TRAK1: variants seen among roughly 807,000 people sequenced by gnomAD.
The protein encoded by TRAK1 is trafficking kinesin-binding protein 1.
A neutral mutation model predicts 92.1 loss-of-function variants in TRAK1; 33 were observed. The observed-to-expected ratio is 0.36, with a 90% CI of 0.27 to 0.48. The LOEUF is 0.48. Ranked by LOEUF, TRAK1 falls within the 20% of genes least tolerant of loss-of-function variation. The pLI is 0.99. For synonymous variants in TRAK1, 521 were observed against 517.3 expected, an observed-to-expected ratio of 1.01 and a Z score of -0.10; for missense variants, 1,123 against 1,257.9, an observed-to-expected ratio of 0.89 and a Z score of 1.62.
intron 1 of TRAK1, among the ~76,000 whole-genome samples, chr3:42,069,838 A>C (rs553162105): frequency 1.3e-4 from 20 of 152,284 alleles, no homozygotes; most frequent in African/African-American, 4.6e-4. Context: ...TTCTTAGAAA[A>C]TAACTGAAGA....
intron 1 of TRAK1, among the ~76,000 whole-genome samples, chr3:42,036,053 G>T (rs918703392): frequency 1.3e-5 from 2 of 152,202 alleles, no homozygotes; most frequent in South Asian, 2.1e-4. Flanking sequence ...TTTTGACAGT[G>T]GCCTGGCACT....
chr3:42,047,829 C>G (rs763071275), intron 1 of TRAK1, among the ~76,000 whole-genome samples: 12 of 151,902 alleles, frequency 7.9e-5, no homozygotes, highest in Non-Finnish European at 1.8e-4. Flanking sequence ...GTGTGTGTTA[C>G]GTCTGCCTGA....
At chr3:42,086,784 G>T (rs1704699323), upstream of TRAK1, among the ~76,000 whole-genome samples, 1 of 152,120 alleles carries the variant, frequency 6.6e-6, no homozygotes, top group African/African-American at 2.4e-5. Flanking sequence ...CTCTCTTTGT[G>T]TGTATAAATC....
At chr3:42,192,477 GTATTTTGCATTTCGTCAAAGTAC>G (rs1553755658) in intron 7 of TRAK1, among the ~76,000 whole-genome samples, 9 of 151,632 alleles carry the variant, frequency 5.9e-5, no homozygotes, top group Admixed American at 1.3e-4. Context: ...AAAGTACTAA[GTATTTTGCATTTCGTCAAAGTAC>G]TATTTTGCAT....
Position 42,194,934 on chromosome 3 carries a change from T to A in TRAK1, c.1106T>A (p.Phe369Tyr). ...CGGCGCTACCACTCACTGGGCCTGT[T>A]TCCCATGGTGAGCTGTGCTTTCTTC... Reference protein sequence around the residue: ...TSRRYHSLGLFPMDSLAAEIE... With the variant: ...TSRRYHSLGLYPMDSLAAEIE... Residue 369 changes from phenylalanine to tyrosine, a missense_variant, in exon 10 of 16, where the codon TTT becomes TAT. Phe to Tyr is a conservative substitution (Grantham distance 22). This residue lies in a region of TRAK1 where 686 missense variants were observed against 747.6 expected (regional missense o/e 0.92). Transcript: ENST00000327628. 6.2e-7 allele frequency: 1 copy of A among 1,613,764 alleles called. No homozygotes were observed. The highest frequency in any genetic ancestry group is 8.5e-7 in the Non-Finnish European group (1 of 1,179,842).
At position 42,123,194 on chromosome 3, in the gene TRAK1, C is replaced by A. The variant is rs56124276; in HGVS notation, c.92-2226C>A. 1.9e-3 allele frequency among the ~76,000 whole-genome samples: 283 copies of A among 152,284 alleles called. 2 individuals are homozygous for A. Among genetic ancestry groups the A allele is most frequent in the African/African-American group, 6.2e-3 (259 of 41,548 alleles). On this transcript the variant is annotated intron_variant, in intron 1 of 15. Transcript: ENST00000327628. ...CATAACTCTACGTTCTCTTTTCTCA[C>A]GAATCCGTATTTTTTTCACCTGTTG...
intron 14 of TRAK1, chr3:42,210,672 T>G: frequency 1.0e-6 from 1 of 994,498 alleles, no homozygotes; most frequent in Non-Finnish European, 1.2e-6. Context: ...CTTTCCCAGC[T>G]TCAATGGAGG....
intron 10 of TRAK1, 84 bp from the exon 11 acceptor site, chr3:42,199,093 G>C: frequency 6.9e-7 from 1 of 1,457,418 alleles, no homozygotes; most frequent in Non-Finnish European, 9.6e-7. Context: ...TACTCTCCAT[G>C]GCCCACCTGG....
chr3:42,200,944 C>T lies in TRAK1; in HGVS notation c.1317C>T (p.Ser439=). The change falls in exon 12 of 16, where the codon TCC becomes TCT. Residue 439 remains serine, a synonymous_variant. Transcript: ENST00000327628. ...CCTCGGCCATGAACTCCCTCCTGTC[C>T]AGCTGCGTCAGCACCCCCCGGTCCA... ...NQSSAMNSLL[S]SCVSTPRSSF... 1 of 1,614,178 alleles carries T rather than the reference C, an allele frequency of 6.2e-7. No homozygotes were observed. The highest frequency in any genetic ancestry group is 8.5e-7 in the Non-Finnish European group (1 of 1,180,046).
chr3:42,118,260 T>G (rs964080915), intron 1 of TRAK1, among the ~76,000 whole-genome samples: 6 of 152,006 alleles, frequency 3.9e-5, no homozygotes, highest in African/African-American at 1.2e-4. Flanking sequence ...AATTTTTTTT[T>G]TTTGTATTTT....
At chr3:42,144,059 C>T (rs1699026703) in intron 2 of TRAK1, among the ~76,000 whole-genome samples, 1 of 152,084 alleles carries the variant, frequency 6.6e-6, no homozygotes, top group African/African-American at 2.4e-5. Flanking sequence ...TCAAGCTGTG[C>T]TCAATAATGT....
intron 1 of TRAK1, among the ~76,000 whole-genome samples, chr3:42,057,045 C>T (rs1703231463): frequency 6.6e-6 from 1 of 152,210 alleles, no homozygotes; most frequent in Admixed American, 6.5e-5. Context: ...AGGGCACCTT[C>T]TGCCACTTTG....
At position 42,200,927 on chromosome 3, in the gene TRAK1, A is replaced by G. The variant is rs1251611400; in HGVS notation, c.1300A>G (p.Met434Val). 1 of 1,614,154 alleles carries G rather than the reference A, an allele frequency of 6.2e-7. No individual in the cohort carries two copies. Among genetic ancestry groups the G allele is most frequent in the East Asian group, 2.2e-5 (1 of 44,886 alleles). The change falls in exon 12 of 16, where the codon ATG (methionine) becomes GTG (valine). Residue 434 changes from methionine (M) to valine (V), a missense_variant. This residue lies in a region of TRAK1 where 686 missense variants were observed against 747.6 expected (regional missense o/e 0.92). Coordinates refer to ENST00000327628, the MANE Select transcript of TRAK1 (RefSeq NM_001042646.3). Reference sequence around the variant, plus strand: ...CCCCGGCTCCAACCAGTCCTCGGCCATGAACTCCCTCCTGTCCAGCTGCGT... The same window carrying G: ...CCCCGGCTCCAACCAGTCCTCGGCCGTGAACTCCCTCCTGTCCAGCTGCGT... ...NIPGSNQSSA[M>V]NSLLSSCVST... is the part of the protein sequence containing the mutation.
chr3:42,103,944 C>T (rs1707164294), intron 1 of TRAK1, among the ~76,000 whole-genome samples: 1 of 152,146 alleles, frequency 6.6e-6, no homozygotes, highest in Admixed American at 6.5e-5. Flanking sequence ...ACAGATGGTA[C>T]CTGGAAAATT....
intron 11 of TRAK1, among the ~76,000 whole-genome samples, chr3:42,200,254 G>T (rs1707338367): frequency 6.6e-6 from 1 of 152,180 alleles, no homozygotes; most frequent in Non-Finnish European, 1.5e-5. Flanking sequence ...CTTTAAAAGG[G>T]AACAAATGAG....
chr3:42,131,589 C>T (rs1355290193), intron 2 of TRAK1, among the ~76,000 whole-genome samples: 2 of 117,228 alleles, frequency 1.7e-5, no homozygotes, highest in East Asian at 5.3e-4. Flanking sequence ...TGGTGGCGTG[C>T]ACCTGTAATC....
chr3:42,222,113 C>A (rs1016273273), intron 15 of TRAK1: 1 of 152,200 alleles, frequency 6.6e-6, no homozygotes, highest in Non-Finnish European at 1.5e-5. Flanking sequence ...TGGATCCCAA[C>A]TGCTGGAACC....
Position 42,202,571 on chromosome 3 carries a change from G to T in TRAK1, c.1563G>T (p.Glu521Asp). ...SERRFFEEEQ[E>D]RKLQELAEKG... ...GGAGGTTCTTTGAGGAGGAGCAAGA[G>T]AGGAAGCTCCAGGAGCTGGCGGAGA... The change falls in exon 13 of 16, where the codon GAG becomes GAT. Residue 521 changes from glutamate (E) to aspartate (D), a missense_variant. Physicochemically the swap from Glu to Asp is conservative, Grantham distance 45. Around this residue, in one of 3 missense-constraint regions of TRAK1, gnomAD observed 686 missense variants for 747.6 expected, o/e 0.92. Transcript: ENST00000327628. The surrounding 1 kb of genome is among the most constrained non-coding windows in gnomAD (Gnocchi z 6.1). 1 of 1,587,632 alleles carries T rather than the reference G, an allele frequency of 6.3e-7. No homozygotes were observed. The highest frequency in any genetic ancestry group is 8.6e-7 in the Non-Finnish European group (1 of 1,160,888).
At chr3:42,208,545 C>T (rs995872521) in intron 13 of TRAK1, among the ~76,000 whole-genome samples, 1 of 152,206 alleles carries the variant, frequency 6.6e-6, no homozygotes, top group Non-Finnish European at 1.5e-5. Flanking sequence ...TCTTTGACTC[C>T]CTTTTCTTCG....
Sources: gnomAD v4.1 joint callset for allele counts (sites outside exome capture counted in the v4.1 genomes callset) on GRCh38, gnomAD v4.1.1 for gene constraint, gnomAD v4.1.1 regional missense constraint, Gnocchi (gnomAD v3.1) non-coding constraint, MANE v1.5 for transcripts, NCBI Gene and HGNC (gene_info 2026-07-23, HGNC 2026-07-21) for gene names.